The following SUN1 variants were observed in gnomAD, a reference collection of about 807,000 sequenced individuals.
SUN1 encodes the protein SUN domain-containing protein 1.
SUN1 carries 61 observed loss-of-function variants against 103.2 expected under a neutral mutation model. The ratio of observed to expected loss-of-function variants is 0.59; its 90% CI spans 0.48 to 0.73. SUN1 has a LOEUF of 0.73. Ranked by LOEUF, SUN1 falls within the 30% of genes least tolerant of loss-of-function variation. The pLI, the probability that SUN1 is intolerant of heterozygous loss-of-function variation, is 0.00. For missense variants in SUN1, 1,052 were observed against 1,034.6 expected, an observed-to-expected ratio of 1.02 and a Z score of -0.23; for synonymous variants, 490 against 425.7, an observed-to-expected ratio of 1.15 and a Z score of -1.86.
intron 5 of SUN1, chr7:849,717 CTGA>C: frequency 1.6e-6 from 2 of 1,234,718 alleles, no homozygotes; most frequent in Non-Finnish European, 2.4e-6. Context: ...GTGGTCCTCA[CTGA>C]TGACGACGGG....
intron 3 of SUN1, chr7:842,914 A>C: frequency 1.8e-6 from 1 of 552,778 alleles, no homozygotes; most frequent in South Asian, 2.3e-5. Context: ...GCGGGCTGTG[A>C]GAAGATAGAT....
intron 1 of SUN1, among the ~76,000 whole-genome samples, chr7:819,267 T>C (rs1168325662): frequency 6.6e-6 from 1 of 150,728 alleles, no homozygotes; most frequent in Non-Finnish European, 1.5e-5. Context: ...GATTAATAAA[T>C]ACTTTCTCCC....
intron 12 of SUN1, among the ~76,000 whole-genome samples, chr7:856,659 T>C (rs890712539): frequency 5.3e-5 from 8 of 152,218 alleles, no homozygotes; most frequent in Non-Finnish European, 1.2e-4. Flanking sequence ...GCGCCCCTGC[T>C]GTGACCCGGA....
At chr7:827,473 T>G (rs955381674) in intron 1 of SUN1, among the ~76,000 whole-genome samples, 5 of 142,420 alleles carry the variant, frequency 3.5e-5, no homozygotes, top group Non-Finnish European at 6.3e-5. Flanking sequence ...TCCGTTTTTT[T>G]TTTTTTTTTT....
Position 843,508 on chromosome 7 carries a change from A to C in SUN1, c.646A>C (p.Arg216=). ...CGTGTCGAGAGTTTATTCTAGGGACAGGAATCAAAAATGTAAGTCTCAGTC... is the reference window on the plus strand; with the variant it reads ...CGTGTCGAGAGTTTATTCTAGGGACCGGAATCAAAAATGTAAGTCTCAGTC... ...GPVSRVYSRD[R]NQKCYFLLQI... The change falls in exon 5 of 19, where the codon AGG becomes CGG. Residue 216 remains arginine, a synonymous_variant. Transcript: ENST00000401592. The C allele has an allele frequency of 6.2e-7, 1 of 1,614,056 alleles. No individual in the cohort carries two copies. The highest frequency in any genetic ancestry group is 8.5e-7 in the Non-Finnish European group (1 of 1,179,926).
At position 874,354 on chromosome 7, in the gene SUN1, CTATTTAA is replaced by C. The variant is rs765601259; in HGVS notation, c.*1030_*1036del. ...GTGAGACTCTTTTTGGTTATAATTACTATTTAATATTTAGACTATTTTACTGAGCAGA... is the reference window on the plus strand; with the variant it reads ...GTGAGACTCTTTTTGGTTATAATTACTATTTAGACTATTTTACTGAGCAGA... On this transcript the variant is annotated 3_prime_UTR_variant, in exon 19 of 19. Transcript: ENST00000401592. The C allele has an allele frequency of 5.9e-5, 9 of 152,718 alleles. No individual in the cohort carries two copies. Among genetic ancestry groups the C allele is most frequent in the Non-Finnish European group, 1.3e-4 (9 of 68,036 alleles). 9.5% of individuals were successfully genotyped at this position (152,718 alleles called of 1,614,324 possible). A position where few individuals can be genotyped will look rare whatever the true frequency, so the allele number is the denominator to read the frequency against.
chr7:849,432 C>A, intron 5 of SUN1: 1 of 1,029,138 alleles, frequency 9.7e-7, no homozygotes, highest in Non-Finnish European at 1.4e-6. Context: ...CTTGCACATC[C>A]TCTGATCATG....
chr7:872,409 G>C (rs1177783669), intron 17 of SUN1, 61 bp from the exon 18 acceptor site: 9 of 1,403,350 alleles, frequency 6.4e-6, no homozygotes, highest in Non-Finnish European at 8.9e-6. Flanking sequence ...GAAGGGAACG[G>C]TCCTCTCTGC....
chr7:867,422 C>G (rs993278332), intron 16 of SUN1, among the ~76,000 whole-genome samples: 5 of 152,260 alleles, frequency 3.3e-5, no homozygotes, highest in African/African-American at 1.2e-4. Flanking sequence ...CGGTCCTGCT[C>G]CTGGCCATAA....
intron 1 of SUN1, among the ~76,000 whole-genome samples, chr7:834,501 G>T (rs568915174): frequency 6.6e-6 from 1 of 152,316 alleles, no homozygotes; most frequent in East Asian, 1.9e-4. Flanking sequence ...CCTGGTCCTG[G>T]GCTGGCCTCC....
rs371907898 is a variant in SUN1, at chr7:845,807, TG to T, written c.658+2290del. Among the ~76,000 whole-genome samples the T allele has an allele frequency of 3.3e-4, 51 of 152,296 alleles. 1 individual carries two copies. In the East Asian group the frequency reaches 8.3e-3, roughly 25 times the overall value. ...ACCACTGCTAATGATAATAGTTGAGTGGGAATTCTTACGCTTTTTAAAATGA... is the reference window on the plus strand; with the variant it reads ...ACCACTGCTAATGATAATAGTTGAGTGGAATTCTTACGCTTTTTAAAATGA... On this transcript the variant is annotated intron_variant, in intron 5 of 18. Transcript: ENST00000401592.
chr7:836,975 A>G, intron 1 of SUN1, among the ~76,000 whole-genome samples: 1 of 152,250 alleles, frequency 6.6e-6, no homozygotes, highest in East Asian at 1.9e-4. Flanking sequence ...TGAGAAGGCC[A>G]TTGAGGGCTG....
chr7:815,797 G>A, upstream of SUN1: 1 of 217,396 alleles, frequency 4.6e-6, no homozygotes, highest in Non-Finnish European at 9.4e-6. Context: ...CCAGAAGGGC[G>A]CCTGGGGAGG....
Position 874,908 on chromosome 7 carries a change from G to A in SUN1, c.*1577G>A, listed in dbSNP as rs181866398. 6.6e-6 allele frequency: 1 copy of A among 152,344 alleles called. No homozygotes were observed. The highest frequency in any genetic ancestry group is 6.5e-5 in the Admixed American group (1 of 15,306). The allele number at this position is 152,344 out of a possible 1,614,324, so 9.4% of individuals were successfully genotyped here. On this transcript the variant is annotated 3_prime_UTR_variant, in exon 19 of 19. Coordinates refer to ENST00000401592, the MANE Select transcript of SUN1 (RefSeq NM_001130965.3). ...AGTTTTAATTTTTAAAAGGGCATGG[G>A]ATATAAACAGTCTATTTCTTTTCTC...
chr7:854,799 C>T, intron 10 of SUN1, 121 bp from the exon 11 acceptor site: 2 of 678,254 alleles, frequency 2.9e-6, no homozygotes, highest in South Asian at 3.6e-5. Flanking sequence ...GGGTCCGTGC[C>T]ACATTGCGAC....
chr7:861,333 C>T (rs1832065811), intron 14 of SUN1, 47 bp from the exon 15 acceptor site: 1 of 1,601,438 alleles, frequency 6.2e-7, no homozygotes, highest in Non-Finnish European at 8.6e-7. Flanking sequence ...CCACGTCTCT[C>T]CTCTCCTGTT....
chr7:857,909 G>A lies in SUN1; in HGVS notation c.1476G>A (p.Trp492Ter). Reference sequence around the variant, plus strand: ...AGCTAAAGTCAGAGCTGTCCAGCTGGCGACACGTGAAGACCGGCTGTGAGA... The same window carrying A: ...AGCTAAAGTCAGAGCTGTCCAGCTGACGACACGTGAAGACCGGCTGTGAGA... ...LDQLKSELSS[W>*]RHVKTGCETV... Residue 492 changes from tryptophan (W) to a stop codon, truncating the protein, a stop_gained, in exon 13 of 19, where the codon TGG becomes TGA. Transcript: ENST00000401592. LOFTEE classifies it high-confidence loss of function. 1 of 1,602,674 alleles carries A rather than the reference G, an allele frequency of 6.2e-7. No individual in the cohort carries two copies. The highest frequency in any genetic ancestry group is 1.1e-5 in the South Asian group (1 of 90,618).
Position 843,375 on chromosome 7 carries a change from T to C in SUN1, c.513T>C (p.Asp171=). 6.2e-7 allele frequency: 1 copy of C among 1,609,812 alleles called. No individual in the cohort carries two copies. The highest frequency in any genetic ancestry group is 8.5e-7 in the Non-Finnish European group (1 of 1,177,532). ...GNKAAIQGNG[D]VGAAAATAHN... is the part of the protein sequence containing the mutation. ...AAGCTGCCATTCAGGGAAACGGGGA[T>C]GTGGGAGCCGCCGCCGCCACCGCGC... The change falls in exon 5 of 19, where the codon GAT becomes GAC. Residue 171 remains aspartate, a synonymous_variant. Transcript: ENST00000401592.
chr7:839,846 G>A (rs373231013), intron 2 of SUN1, among the ~76,000 whole-genome samples: 4 of 152,168 alleles, frequency 2.6e-5, no homozygotes, highest in Admixed American at 1.3e-4. Context: ...GAGCCACTGC[G>A]CCCGGCCCAG....
Sources: allele counts gnomAD v4.1 joint callset (sites outside exome capture counted in the v4.1 genomes callset), GRCh38; gene constraint gnomAD v4.1.1; transcripts MANE v1.5; gene names NCBI Gene and HGNC (gene_info 2026-07-23, HGNC 2026-07-21).